ZDHHC21: variants seen among roughly 807,000 people sequenced by gnomAD.
The protein encoded by ZDHHC21 is zDHHC palmitoyltransferase 21.
Under a neutral mutation model 34.6 loss-of-function variants are expected in ZDHHC21, and 15 were observed. The ratio of observed to expected loss-of-function variants is 0.43; its 90% confidence interval spans 0.29 to 0.67. The LOEUF (loss-of-function observed/expected upper bound fraction) is 0.67. Among genes scored for constraint, ZDHHC21 ranks in the 30% least tolerant of loss-of-function variants. The pLI, the probability that ZDHHC21 is intolerant of heterozygous loss-of-function variation, is 0.14. For missense variants in ZDHHC21, 344 were observed against 327.7 expected, an observed-to-expected ratio of 1.05 and a Z score of -0.38; for synonymous variants, 142 against 101.8, an observed-to-expected ratio of 1.40 and a Z score of -2.38.
At chr9:14,609,450 T>C (rs138716161), downstream of ZDHHC21, among the ~76,000 whole-genome samples, 86 of 152,212 alleles carry the variant, frequency 5.7e-4, no homozygotes, top group Non-Finnish European at 1.1e-3. Flanking sequence ...GAAGGTAACC[T>C]GTCACTTCAA....
the ZDHHC21 span, chr9:14,594,004 C>T: frequency 6.6e-6 from 1 of 152,170 alleles, no homozygotes; most frequent in Non-Finnish European, 1.5e-5. Context: ...CTGGTCACCT[C>T]AGCACAGTAA....
At chr9:14,668,534 G>T (rs10810208) in intron 5 of ZDHHC21, among the ~76,000 whole-genome samples, 1 of 142,052 alleles carries the variant, frequency 7.0e-6, no homozygotes, top group Admixed American at 7.0e-5. Flanking sequence ...AAAAGAGCCC[G>T]CATTGCCAAG....
the ZDHHC21 span, among the ~76,000 whole-genome samples, chr9:14,599,374 A>G: frequency 3.9e-5 from 6 of 152,176 alleles, no homozygotes; most frequent in Non-Finnish European, 8.8e-5. Flanking sequence ...AGCTAAGGGA[A>G]GCTGTGAGGG....
At chr9:14,674,630 A>C (rs1167447229) in intron 3 of ZDHHC21, among the ~76,000 whole-genome samples, 1 of 152,058 alleles carries the variant, frequency 6.6e-6, no homozygotes, top group Non-Finnish European at 1.5e-5. Flanking sequence ...TCAATGTTTC[A>C]CTATGAACTG....
chr9:14,610,598 T>C (rs1438481586), downstream of ZDHHC21, among the ~76,000 whole-genome samples: 1 of 152,022 alleles, frequency 6.6e-6, no homozygotes, highest in Non-Finnish European at 1.5e-5. Flanking sequence ...GCTGATTGAT[T>C]TGTCTTTTCA....
intron 1 of ZDHHC21, among the ~76,000 whole-genome samples, chr9:14,692,730 T>C (rs878879825): frequency 2.6e-5 from 4 of 151,894 alleles, no homozygotes; most frequent in African/African-American, 7.3e-5. Flanking sequence ...AGAAGGTCAA[T>C]AAAGGAGCAA....
the ZDHHC21 span, among the ~76,000 whole-genome samples, chr9:14,603,701 T>C: frequency 3.3e-5 from 5 of 152,170 alleles, no homozygotes; most frequent in Admixed American, 6.5e-5. Flanking sequence ...GCAATACTTA[T>C]TTTTATAAGG....
chr9:14,659,497 T>C (rs781715789), intron 6 of ZDHHC21, among the ~76,000 whole-genome samples: 2 of 152,236 alleles, frequency 1.3e-5, no homozygotes, highest in South Asian at 2.1e-4. Context: ...GGATTAATGT[T>C]ACAATAAAAA....
the ZDHHC21 span, among the ~76,000 whole-genome samples, chr9:14,599,216 G>A: frequency 1.2e-4 from 19 of 152,272 alleles, no homozygotes; most frequent in Middle Eastern, 3.4e-3. Context: ...TGCAGAAGGC[G>A]GGTAATTTCT....
rs1288486500 is a variant in ZDHHC21 at position 14,616,771 on chromosome 9, A to G, written c.*2195T>C. The G allele has an allele frequency of 6.6e-6, 1 of 151,922 alleles. No homozygotes were observed. Among genetic ancestry groups the G allele is most frequent in the African/African-American group, 2.4e-5 (1 of 41,436 alleles). 9.4% of individuals were successfully genotyped at this position (151,922 alleles called of 1,614,324 possible). The stretch of plus-strand genomic sequence containing the variant: ...ATATACTGATAGATAGCATTTCTGC[A>G]TTCAAATAAAATAAGTGTATGCTTT... On this transcript the variant is annotated 3_prime_UTR_variant, in exon 10 of 10. Coordinates refer to ENST00000380916, the MANE Select transcript of ZDHHC21 (RefSeq NM_178566.6).
the ZDHHC21 span, among the ~76,000 whole-genome samples, chr9:14,600,415 GAATAA>G: frequency 3.9e-5 from 6 of 152,184 alleles, no homozygotes; most frequent in African/African-American, 4.8e-5. Flanking sequence ...GCTACAAAGA[GAATAA>G]AATACCTAGG....
intron 7 of ZDHHC21, among the ~76,000 whole-genome samples, chr9:14,653,866 C>G (rs184754108): frequency 6.6e-4 from 100 of 151,986 alleles, no homozygotes; most frequent in Middle Eastern, 6.8e-3. Flanking sequence ...ACACTCACAC[C>G]AAAAACACTA....
intron 3 of ZDHHC21, among the ~76,000 whole-genome samples, chr9:14,678,825 T>C (rs763223547): frequency 6.6e-6 from 1 of 152,074 alleles, no homozygotes; most frequent in Non-Finnish European, 1.5e-5. Flanking sequence ...TGTAGACTAT[T>C]TCCAAGCTAT....
At chr9:14,602,382 A>G in the ZDHHC21 span, among the ~76,000 whole-genome samples, 11,993 of 152,056 alleles carry the variant, frequency 0.079, 1,285 homozygotes, top group African/African-American at 0.25. Flanking sequence ...GAGTTCCATG[A>G]GATGAGATGG....
chr9:14,649,704 A>G (rs764584142), intron 7 of ZDHHC21, among the ~76,000 whole-genome samples: 22 of 152,194 alleles, frequency 1.4e-4, no homozygotes, highest in Admixed American at 7.2e-4. Context: ...TTTGGTAATC[A>G]TATGTATGCA....
chr9:14,671,686 A>G (rs1835474708), intron 5 of ZDHHC21, among the ~76,000 whole-genome samples: 1 of 152,126 alleles, frequency 6.6e-6, no homozygotes, highest in Admixed American at 6.6e-5. Context: ...CATGTCGAAC[A>G]TTCAAGTGAA....
rs532114480 is a variant in ZDHHC21, at chr9:14,672,742, T to C, written c.253+88A>G. 32 of 862,098 alleles carry C rather than the reference T, an allele frequency of 3.7e-5. No individual in the cohort carries two copies. The East Asian group carries it at 6.6e-4, about 18-fold the overall frequency. 53.4% of individuals were successfully genotyped at this position (862,098 alleles called of 1,614,324 possible). ...TCAAAGTGGTGTTAGATGACATTTATAACCAATATATATTAAAGGCAATAA... is the reference window on the plus strand; with the variant it reads ...TCAAAGTGGTGTTAGATGACATTTACAACCAATATATATTAAAGGCAATAA... On this transcript the variant is annotated intron_variant, in intron 5 of 9. Transcript: ENST00000380916.
chr9:14,663,294 G>A (rs915179930), intron 5 of ZDHHC21, among the ~76,000 whole-genome samples: 7 of 151,966 alleles, frequency 4.6e-5, no homozygotes, highest in African/African-American at 1.4e-4. Flanking sequence ...TTAAAAGTAT[G>A]GACATAGTAA....
At chr9:14,622,194 T>C (rs918916361) in intron 8 of ZDHHC21, among the ~76,000 whole-genome samples, 1 of 152,066 alleles carries the variant, frequency 6.6e-6, no homozygotes, top group African/African-American at 2.4e-5. Flanking sequence ...CCAAGAGATA[T>C]ATGAGGATGA....
Sources: allele counts gnomAD v4.1 joint callset (sites outside exome capture counted in the v4.1 genomes callset), GRCh38; gene constraint gnomAD v4.1.1; transcripts MANE v1.5; gene names NCBI Gene and HGNC (gene_info 2026-07-23, HGNC 2026-07-21).